The following CHRNA4 variants were observed in gnomAD, a reference collection of about 807,000 sequenced individuals.
CHRNA4 encodes the protein neuronal acetylcholine receptor subunit alpha-4.
CHRNA4 carries 28 observed loss-of-function variants against 48.9 expected under a neutral mutation model. That is an observed-to-expected ratio of 0.57 (90% CI 0.42 to 0.79). The LOEUF (loss-of-function observed/expected upper bound fraction) is 0.79, where lower values mean the gene tolerates loss of function less well. Ranked by LOEUF, CHRNA4 falls within the 30% of genes least tolerant of loss-of-function variation. The pLI, the probability that CHRNA4 is intolerant of heterozygous loss-of-function variation, is 0.00. For synonymous variants in CHRNA4, 425 were observed against 402.3 expected (o/e 1.06, Z -0.68); for missense variants, 859 against 898.4 (o/e 0.96, Z 0.56).
At chr20:63,354,023 G>A (rs2145397010) in intron 4 of CHRNA4, among the ~76,000 whole-genome samples, 1 of 138,250 alleles carries the variant, frequency 7.2e-6, no homozygotes, top group East Asian at 2.3e-4. Context: ...GCGGTCCTAG[G>A]GGTGTTGTAG....
Position 63,350,676 on chromosome 20 carries a change from G to C in CHRNA4, c.735C>G (p.Phe245Leu). The change falls in exon 5 of 6, where the codon TTC (phenylalanine) becomes TTG (leucine). Residue 245 changes from phenylalanine (F) to leucine (L), a missense_variant. Transcript: ENST00000370263. ...AGGGGATGATGAGGTTGATGGTGTAGAAGAGCGGCAGCCGCCGGATGACGA... is the reference window on the plus strand; with the variant it reads ...AGGGGATGATGAGGTTGATGGTGTACAAGAGCGGCAGCCGCCGGATGACGA... ...YAFVIRRLPL[F>L]YTINLIIPCL... is the part of the protein sequence containing the mutation. 1 of 1,614,064 alleles carries C rather than the reference G, an allele frequency of 6.2e-7. No individual in the cohort carries two copies.
At chr20:63,347,227 C>T (rs1336825538) in intron 5 of CHRNA4, among the ~76,000 whole-genome samples, 1 of 152,232 alleles carries the variant, frequency 6.6e-6, no homozygotes, top group African/African-American at 2.4e-5. Flanking sequence ...GGGGCTCAGG[C>T]ACCCCGTGAG....
intron 5 of CHRNA4, among the ~76,000 whole-genome samples, chr20:63,348,922 C>T (rs1027870922): frequency 6.6e-5 from 10 of 152,348 alleles, no homozygotes; most frequent in South Asian, 4.1e-4. Context: ...TGCACAGCCA[C>T]GGGTAACACG....
chr20:63,349,649 T>G lies in CHRNA4; in HGVS notation c.1758+4A>C. ...CGCCCAACACAGCCATGGGCGGGAC[T>G]TACCGAGAAGTCTGTGTCTTCGGCC... On this transcript the variant is annotated splice_donor_region_variant and intron_variant, in intron 5 of 5. Transcript: ENST00000370263. 1 of 1,612,770 alleles carries G rather than the reference T, an allele frequency of 6.2e-7. No individual in the cohort carries two copies. Among genetic ancestry groups the G allele is most frequent in the Non-Finnish European group, 8.5e-7 (1 of 1,179,890 alleles).
At chr20:63,355,141 CTGAGCCTG>C (rs1292383709) in intron 4 of CHRNA4, among the ~76,000 whole-genome samples, 1 of 152,188 alleles carries the variant, frequency 6.6e-6, no homozygotes, top group Admixed American at 6.5e-5. Context: ...CACCCAGACC[CTGAGCCTG>C]TGGCCAGAGA....
At position 63,350,524 on chromosome 20, in the gene CHRNA4, A is replaced by T; in HGVS notation, c.887T>A (p.Ile296Asn). ...TVFLLLITEIIPSTSLVIPLI... is the reference protein window; with the variant it reads ...TVFLLLITEINPSTSLVIPLI... ...TGGGATGACCAGTGAGGTGGACGGG[A>T]TGATCTCGGTGATGAGCAGCAGGAA... Residue 296 changes from isoleucine to asparagine, a missense_variant, in exon 5 of 6, where the codon ATC (isoleucine) becomes AAC (asparagine). By Grantham distance (149) the Ile-to-Asn change is moderately radical (BLOSUM62 -3). Coordinates refer to ENST00000370263, the MANE Select transcript of CHRNA4 (RefSeq NM_000744.7). 6.2e-7 allele frequency: 1 copy of T among 1,613,882 alleles called. No homozygotes were observed.
chr20:63,346,197 T>C lies in CHRNA4; in HGVS notation c.*541A>G, dbSNP rs1222462347. On this transcript the variant is annotated 3_prime_UTR_variant, in exon 6 of 6. Transcript: ENST00000370263. ...CTGGACCCTCTCCTAGCGAAGCAGA[T>C]TGGAGCGCTGCTGGCTCACCCTCAT... is the stretch of plus-strand genomic sequence containing the variant. 2.2e-6 allele frequency: 1 copy of C among 454,188 alleles called. No individual in the cohort carries two copies. Among genetic ancestry groups the C allele is most frequent in the Non-Finnish European group, 4.4e-6 (1 of 226,856 alleles). The allele number at this position is 454,188 out of a possible 1,614,324, so 28.1% of individuals were successfully genotyped here. A position where few individuals can be genotyped will look rare whatever the true frequency, so the allele number is the denominator to read the frequency against.
chr20:63,359,150 C>T (rs1480319300), intron 2 of CHRNA4, among the ~76,000 whole-genome samples: 4 of 152,370 alleles, frequency 2.6e-5, no homozygotes, highest in African/African-American at 7.2e-5. Flanking sequence ...GGGGTGCTGC[C>T]GGGACACCAC....
chr20:63,361,025 C>T, intron 1 of CHRNA4, 65 bp downstream of exon 1: 7 of 1,284,338 alleles, frequency 5.5e-6, no homozygotes, highest in East Asian at 3.1e-5. Context: ...CTCCCTCTGG[C>T]TCTGGGGGTC....
intron 1 of CHRNA4, 63 bp from the exon 2 acceptor site, chr20:63,359,762 G>T: frequency 6.3e-7 from 1 of 1,577,614 alleles, no homozygotes; most frequent in South Asian, 1.1e-5. Context: ...AGCTGTCCAG[G>T]AGCTCTCCAG....
intron 2 of CHRNA4, among the ~76,000 whole-genome samples, chr20:63,357,188 AC>A (rs2068734756): frequency 2.5e-4 from 2 of 7,862 alleles, no homozygotes; most frequent in African/African-American, 3.8e-4. Flanking sequence ...CAGGACCACA[AC>A]CCACAGGACC....
chr20:63,349,468 C>A (rs1001207661), intron 5 of CHRNA4, 185 bp downstream of exon 5: 1 of 793,778 alleles, frequency 1.3e-6, no homozygotes, highest in South Asian at 1.6e-5. Flanking sequence ...CCCCGCTCAG[C>A]CTGGGACCTG....
Position 63,356,090 on chromosome 20 carries a change from T to A in CHRNA4, c.274-6A>T. 7.6e-7 allele frequency: 1 copy of A among 1,307,750 alleles called. No individual in the cohort carries two copies. Among genetic ancestry groups the A allele is most frequent in the Non-Finnish European group, 1.0e-6 (1 of 1,000,822 alleles). The allele number at this position is 1,307,750 out of a possible 1,614,324, so 81.0% of individuals were successfully genotyped here. The stretch of plus-strand genomic sequence containing the variant: ...AGCTTGTAGTCGTGCCACTCCTGGA[T>A]GAGGTGGGGCGGGGGGAGGCTGCAG... On this transcript the variant is annotated splice_polypyrimidine_tract_variant and splice_region_variant and intron_variant, in intron 3 of 5. Transcript: ENST00000370263.
chr20:63,347,608 C>T (rs1364137449), intron 5 of CHRNA4, among the ~76,000 whole-genome samples: 1 of 152,222 alleles, frequency 6.6e-6, no homozygotes, highest in Non-Finnish European at 1.5e-5. Flanking sequence ...GGAAGCCACT[C>T]TCGAGACAGC....
Position 63,361,172 on chromosome 20 carries a change from C to G in CHRNA4, c.-7G>C. ...CGGGGCCCCCTAGCTCCATGGCGCACGCACCTCGCGGGCTCTAGATGCGGG... is the reference window on the plus strand; with the variant it reads ...CGGGGCCCCCTAGCTCCATGGCGCAGGCACCTCGCGGGCTCTAGATGCGGG... On this transcript the variant is annotated 5_prime_UTR_variant, in exon 1 of 6. Coordinates refer to ENST00000370263, the MANE Select transcript of CHRNA4 (RefSeq NM_000744.7). The G allele has an allele frequency of 6.8e-7, 1 of 1,470,270 alleles. No individual in the cohort carries two copies. The highest frequency in any genetic ancestry group is 1.3e-5 in the South Asian group (1 of 77,550). 91.1% of individuals were successfully genotyped at this position (1,470,270 alleles called of 1,614,324 possible). A position where few individuals can be genotyped will look rare whatever the true frequency, so the allele number is the denominator to read the frequency against.
At chr20:63,359,903 G>GTGTGTGTGTGTTTGCCGGGCGTGCGC (rs1601496285) in intron 1 of CHRNA4, 1 of 402,782 alleles carries the variant, frequency 2.5e-6, no homozygotes, top group Non-Finnish European at 4.4e-6. Flanking sequence ...TGTGCTGTGT[G>GTGTGTGTGTGTTTGCCGGGCGTGCGC]TGTGTGTGTG....
intron 4 of CHRNA4, 111 bp from the exon 5 acceptor site, chr20:63,351,138 CCCACAT>C (rs1319238745): frequency 6.7e-6 from 6 of 898,960 alleles, no homozygotes; most frequent in Admixed American, 4.4e-5. Context: ...CACATCCACG[CCCACAT>C]CCACGTCCAC....
At chr20:63,360,889 G>A in intron 1 of CHRNA4, 1 of 429,076 alleles carries the variant, frequency 2.3e-6, no homozygotes, top group Non-Finnish European at 4.1e-6. Context: ...GCATTCGCCG[G>A]CGGTCAACTC....
chr20:63,357,583 G>A (rs981245835), intron 2 of CHRNA4, among the ~76,000 whole-genome samples: 4 of 152,340 alleles, frequency 2.6e-5, no homozygotes, highest in African/African-American at 7.2e-5. Flanking sequence ...TCCCCTCCAG[G>A]ACAGACCCTG....
Sources: allele counts gnomAD v4.1 joint callset (sites outside exome capture counted in the v4.1 genomes callset), GRCh38; gene constraint gnomAD v4.1.1; transcripts MANE v1.5; gene names NCBI Gene and HGNC (gene_info 2026-07-23, HGNC 2026-07-21).